Variants in PET100 observed in about 807,000 individuals in gnomAD.
PET100 encodes the protein protein PET100 homolog, mitochondrial.
A neutral mutation model predicts 13.6 loss-of-function variants in PET100; 13 were observed. That is an observed-to-expected ratio of 0.96 (90% CI 0.62 to 1.52). PET100 has a LOEUF of 1.52. PET100 is among the 40% of genes most tolerant of loss of function. The pLI is 0.00. For synonymous variants in PET100, 28 were observed against 30.8 expected, an observed-to-expected ratio of 0.91 and a Z score of 0.30; for missense variants, 94 against 95.3, an observed-to-expected ratio of 0.99 and a Z score of 0.06.
At chr19:7,631,024 C>T (rs2031272598) in intron 3 of PET100, 178 bp downstream of exon 3, 1 of 833,358 alleles carries the variant, frequency 1.2e-6, no homozygotes, top group Non-Finnish European at 1.9e-6. Flanking sequence ...GCCTGGCCAA[C>T]ATGGCGAAAC....
rs141862508 is a variant in PET100 at position 7,631,799 on chromosome 19, G to A, written c.*243G>A. The A allele has an allele frequency of 1.3e-5, 19 of 1,423,468 alleles. No individual in the cohort carries two copies. Among genetic ancestry groups the A allele is most frequent in the Admixed American group, 8.0e-5 (3 of 37,290 alleles). The allele number at this position is 1,423,468 out of a possible 1,614,324, so 88.2% of individuals were successfully genotyped here. ...GGACTGAGGGTCCCAGCTCGTTTCTGTGCTCCGTCCTGTGGATGAAGAGGG... is the reference window on the plus strand; with the variant it reads ...GGACTGAGGGTCCCAGCTCGTTTCTATGCTCCGTCCTGTGGATGAAGAGGG... On this transcript the variant is annotated 3_prime_UTR_variant, in exon 4 of 4. Coordinates refer to ENST00000594797, the MANE Select transcript of PET100 (RefSeq NM_001171155.2).
In PET100 at chr19:7,631,928, C is replaced by T. The variant is rs372431993; in HGVS notation, c.*372C>T. 2.2e-5 allele frequency: 23 copies of T among 1,033,964 alleles called. No homozygotes were observed. The East Asian group carries it at 2.3e-4, about 10-fold the overall frequency. The allele number at this position is 1,033,964 out of a possible 1,614,324, so 64.0% of individuals were successfully genotyped here. On this transcript the variant is annotated 3_prime_UTR_variant, in exon 4 of 4. Transcript: ENST00000594797. ...GTCCCACCTCATTGTGAGCACTGGTCTATGTTTACCCTCAATATCTGCCAT... is the reference window on the plus strand; with the variant it reads ...GTCCCACCTCATTGTGAGCACTGGTTTATGTTTACCCTCAATATCTGCCAT...
rs1362277074 is a variant in PET100 at position 7,630,846 on chromosome 19, G to T, written c.138G>T (p.Lys46Asn). The change falls in exon 3 of 4, where the codon AAG becomes AAT. Residue 46 changes from lysine to asparagine, a missense_variant and splice_region_variant. By Grantham distance (94) the Lys-to-Asn change is moderately conservative. Transcript: ENST00000594797. ...AGAGGGAGCTGTGGCCACCTGAGAAGGTAAGTGATCTCTTCTTCCTGCCAG... is the reference window on the plus strand; with the variant it reads ...AGAGGGAGCTGTGGCCACCTGAGAATGTAAGTGATCTCTTCTTCCTGCCAG... ...QRKRELWPPE[K>N]LQEIEEFKER... 6.5e-7 allele frequency: 1 copy of T among 1,537,256 alleles called. No individual in the cohort carries two copies. Among genetic ancestry groups the T allele is most frequent in the East Asian group, 2.4e-5 (1 of 40,922 alleles).
At chr19:7,630,750 T>TA in intron 2 of PET100, 73 bp from the exon 3 acceptor site, 4 of 1,535,686 alleles carry the variant, frequency 2.6e-6, no homozygotes, top group Non-Finnish European at 1.7e-6. Context: ...CTGCCTCCCA[T>TA]AAGCCGACCC....
intron 1 of PET100, 165 bp downstream of exon 1, chr19:7,630,025 T>G: frequency 1.1e-4 from 62 of 584,944 alleles, no homozygotes; most frequent in East Asian, 6.0e-4. Context: ...GAGGGGACGC[T>G]GGGCTGGGGG....
At chr19:7,630,894 T>C (rs1204765275) in intron 3 of PET100, 48 bp downstream of exon 3, 1 of 1,536,398 alleles carries the variant, frequency 6.5e-7, no homozygotes, top group Admixed American at 2.0e-5. Flanking sequence ...GGCTGGATTC[T>C]TGTATCCGGG....
chr19:7,631,404 G>T (rs1040332163), intron 3 of PET100, 69 bp from the exon 4 acceptor site: 4 of 1,065,392 alleles, frequency 3.8e-6, no homozygotes, highest in South Asian at 3.1e-5. Context: ...GTGGGCGGGG[G>T]GGGGTGGTCC....
chr19:7,630,688 C>T (rs1369967816), intron 2 of PET100, 29 bp downstream of exon 2: 10 of 1,533,568 alleles, frequency 6.5e-6, no homozygotes, highest in Non-Finnish European at 8.7e-6. Context: ...TTTGAGGGTT[C>T]ATTCCAGGGG....
intron 3 of PET100, 26 bp from the exon 4 acceptor site, chr19:7,631,447 T>C: frequency 6.6e-7 from 1 of 1,522,236 alleles, no homozygotes; most frequent in Non-Finnish European, 8.8e-7. Flanking sequence ...CCCCCCTTCC[T>C]GTCCCACCCG....
intron 3 of PET100, 66 bp from the exon 4 acceptor site, chr19:7,631,407 G>T (rs898779100): frequency 1.4e-5 from 12 of 863,440 alleles, no homozygotes; most frequent in South Asian, 1.9e-5. Flanking sequence ...GGCGGGGGGG[G>T]GTGGTCCCGG....
chr19:7,631,735 C>T lies in PET100; in HGVS notation c.*179C>T. ...CTGGGGGCTGCTGTTCCGACGGAAGCCGAGAGCGGTCGGGTCCTGAGGGGT... is the reference window on the plus strand; with the variant it reads ...CTGGGGGCTGCTGTTCCGACGGAAGTCGAGAGCGGTCGGGTCCTGAGGGGT... On this transcript the variant is annotated 3_prime_UTR_variant, in exon 4 of 4. Coordinates refer to ENST00000594797, the MANE Select transcript of PET100 (RefSeq NM_001171155.2). The T allele has an allele frequency of 6.9e-7, 1 of 1,445,136 alleles. No individual in the cohort carries two copies. The allele number at this position is 1,445,136 out of a possible 1,614,324, so 89.5% of individuals were successfully genotyped here.
In PET100 at chr19:7,630,980, G is replaced by A. The variant is rs1490612710; in HGVS notation, c.138+134G>A. 7 of 1,169,356 alleles carry A rather than the reference G, an allele frequency of 6.0e-6. No homozygotes were observed. The Admixed American group carries it at 1.4e-4, about 24-fold the overall frequency. 72.4% of individuals were successfully genotyped at this position (1,169,356 alleles called of 1,614,324 possible). ...ATCCCAGGGCATGGGAGGCTGAGGT[G>A]GGTAGATCACTTGAGGTCAGGAGTT... On this transcript the variant is annotated intron_variant, in intron 3 of 3. Transcript: ENST00000594797.
At chr19:7,630,066 G>T in intron 1 of PET100, 1 of 586,996 alleles carries the variant, frequency 1.7e-6, no homozygotes, top group Non-Finnish European at 2.9e-6. Context: ...TGGGTTTGGG[G>T]GCTGTGAGAG....
In PET100 at chr19:7,631,487, G is replaced by A; in HGVS notation, c.153G>A (p.Glu51=). ...LWPPEKLQEI[E]EFKERLRKRR... ...TCCACCCCTAGCTTCAAGAGATAGA[G>A]GAATTCAAAGAGAGGTTACGGAAGC... The change falls in exon 4 of 4, where the codon GAG becomes GAA. Residue 51 remains glutamate (E), a synonymous_variant. Transcript: ENST00000594797. 6.5e-7 allele frequency: 1 copy of A among 1,536,524 alleles called. No homozygotes were observed.
chr19:7,631,482 A>G lies in PET100; in HGVS notation c.148A>G (p.Ile50Val), dbSNP rs762857859. 17 of 1,535,520 alleles carry G rather than the reference A, an allele frequency of 1.1e-5. 1 individual carries two copies. In the South Asian group the frequency reaches 1.9e-4, roughly 17 times the overall value. The change falls in exon 4 of 4, where the codon ATA becomes GTA. Residue 50 changes from isoleucine (I) to valine (V), a missense_variant. Ile to Val is a conservative substitution (Grantham distance 29). Coordinates refer to ENST00000594797, the MANE Select transcript of PET100 (RefSeq NM_001171155.2). ...ELWPPEKLQE[I>V]EEFKERLRKR... is the part of the protein sequence containing the mutation. ...GCTTCTCCACCCCTAGCTTCAAGAGATAGAGGAATTCAAAGAGAGGTTACG... is the reference window on the plus strand; with the variant it reads ...GCTTCTCCACCCCTAGCTTCAAGAGGTAGAGGAATTCAAAGAGAGGTTACG...
chr19:7,631,785 C>G lies in PET100; in HGVS notation c.*229C>G, dbSNP rs150093748. On this transcript the variant is annotated 3_prime_UTR_variant, in exon 4 of 4. Transcript: ENST00000594797. ...TGAGCAGGGGTTGGGGACTGAGGGT[C>G]CCAGCTCGTTTCTGTGCTCCGTCCT... 1.3e-5 allele frequency: 18 copies of G among 1,416,800 alleles called. No homozygotes were observed. The highest frequency in any genetic ancestry group is 1.7e-5 in the Non-Finnish European group (18 of 1,081,092). The allele number at this position is 1,416,800 out of a possible 1,614,324, so 87.8% of individuals were successfully genotyped here.
intron 1 of PET100, chr19:7,630,166 C>G (rs1238968843): frequency 2.2e-6 from 1 of 464,000 alleles, no homozygotes; most frequent in Non-Finnish European, 3.8e-6. Flanking sequence ...AGCTCTCGGG[C>G]TCGTGGTGGG....
In PET100 at chr19:7,631,025, A is replaced by G. The variant is rs1345904840; in HGVS notation, c.138+179A>G. 5 of 833,116 alleles carry G rather than the reference A, an allele frequency of 6.0e-6. No individual in the cohort carries two copies. The African/African-American group carries it at 6.8e-5, about 11-fold the overall frequency. The allele number at this position is 833,116 out of a possible 1,614,324, so 51.6% of individuals were successfully genotyped here. On this transcript the variant is annotated intron_variant, in intron 3 of 3. Coordinates refer to ENST00000594797, the MANE Select transcript of PET100 (RefSeq NM_001171155.2). ...GGAGTTCAAAACCAGCCTGGCCAACATGGCGAAACCCCATGTCTACAGAAA... is the reference window on the plus strand; with the variant it reads ...GGAGTTCAAAACCAGCCTGGCCAACGTGGCGAAACCCCATGTCTACAGAAA...
rs556380451 is a variant in PET100 at position 7,631,534 on chromosome 19, G to A, written c.200G>A (p.Arg67His). Reference sequence around the variant, plus strand: ...AAGCGGCGGGAGGAGAAGCTCCTTCGCGACGCCCAGCAGAACTCCTGAGGC... The same window carrying A: ...AAGCGGCGGGAGGAGAAGCTCCTTCACGACGCCCAGCAGAACTCCTGAGGC... ...LRKRREEKLL[R>H]DAQQNS The change falls in exon 4 of 4, where the codon CGC (arginine) becomes CAC (histidine). Residue 67 changes from arginine (R) to histidine (H), a missense_variant. Physicochemically the swap from Arg to His is conservative, Grantham distance 29 (BLOSUM62 0). Transcript: ENST00000594797. 2.4e-5 allele frequency: 37 copies of A among 1,535,844 alleles called. No homozygotes were observed. Among genetic ancestry groups the A allele is most frequent in the Non-Finnish European group, 2.8e-5 (32 of 1,146,638 alleles).
Sources: gnomAD v4.1 joint callset for allele counts on GRCh38, gnomAD v4.1.1 for gene constraint, MANE v1.5 for transcripts, NCBI Gene and HGNC (gene_info 2026-07-23, HGNC 2026-07-21) for gene names.